The following WDR73 variants were observed in gnomAD, a reference collection of about 807,000 sequenced individuals.
WDR73 encodes WD repeat domain 73, also known as integrator complex assembly factor WDR73.
In WDR73, 30 loss-of-function variants were observed where a neutral mutation model predicts 38.2. The ratio of observed to expected loss-of-function variants is 0.79; its 90% CI spans 0.59 to 1.06. The LOEUF is 1.06. Among genes scored for constraint, WDR73 ranks in the 50% least tolerant of loss-of-function variants. The pLI is 0.00. For missense variants in WDR73, 487 were observed against 467.0 expected (o/e 1.04, Z -0.40); for synonymous variants, 197 against 176.0 (o/e 1.12, Z -0.94).
At chr15:84,644,105 T>C (rs1443740020) in intron 7 of WDR73, 1 of 209,228 alleles carries the variant, frequency 4.8e-6, no homozygotes, top group East Asian at 1.4e-4. Context: ...TGGACAAGTA[T>C]TAGCTCTTTT....
At position 84,645,463 on chromosome 15, in the gene WDR73, G is replaced by C; in HGVS notation, c.883+8C>G. The C allele has an allele frequency of 1.2e-6, 2 of 1,611,162 alleles. No individual in the cohort carries two copies. Among genetic ancestry groups the C allele is most frequent in the Non-Finnish European group, 1.7e-6 (2 of 1,178,360 alleles). On this transcript the variant is annotated splice_region_variant and intron_variant, in intron 7 of 7. Coordinates refer to ENST00000434634, the MANE Select transcript of WDR73 (RefSeq NM_032856.5). Reference sequence around the variant, plus strand: ...CAGATAACAAGACGAAATCCTGCTCGGCAGTACCTGAGATGGCCAAGCAAT... The same window carrying C: ...CAGATAACAAGACGAAATCCTGCTCCGCAGTACCTGAGATGGCCAAGCAAT...
chr15:84,644,353 G>C (rs1421403710), intron 7 of WDR73: 1 of 152,292 alleles, frequency 6.6e-6, no homozygotes, highest in Non-Finnish European at 1.5e-5. Flanking sequence ...CCATCTTCCT[G>C]GTACTGAAGA....
intron 7 of WDR73, 194 bp from the exon 8 acceptor site, chr15:84,643,917 T>C (rs1896356456): frequency 6.4e-6 from 4 of 626,132 alleles, no homozygotes; most frequent in Non-Finnish European, 1.0e-5. Flanking sequence ...TAAAATACTT[T>C]TTATAATTTG....
chr15:84,642,539 T>A lies in WDR73; in HGVS notation c.*931A>T, dbSNP rs1896294328. ...TGGAATACAGTGGCATGATCACAGCTCACTGCAAACTTCAACTGCCAGGCT... is the reference window on the plus strand; with the variant it reads ...TGGAATACAGTGGCATGATCACAGCACACTGCAAACTTCAACTGCCAGGCT... On this transcript the variant is annotated 3_prime_UTR_variant, in exon 8 of 8. Coordinates refer to ENST00000434634, the MANE Select transcript of WDR73 (RefSeq NM_032856.5). The A allele has an allele frequency of 6.6e-6, 1 of 151,786 alleles. No homozygotes were observed. Among genetic ancestry groups the A allele is most frequent in the South Asian group, 2.1e-4 (1 of 4,810 alleles). 9.4% of individuals were successfully genotyped at this position (151,786 alleles called of 1,614,324 possible).
chr15:84,645,639 G>C lies in WDR73; in HGVS notation c.715C>G (p.Pro239Ala), dbSNP rs1490465180. 2.5e-6 allele frequency: 4 copies of C among 1,608,270 alleles called. No homozygotes were observed. The highest frequency in any genetic ancestry group is 3.4e-6 in the Non-Finnish European group (4 of 1,177,528). Reference protein sequence around the residue: ...EVGSWGQGPGPSIASLGSDGR... With the variant: ...EVGSWGQGPGASIASLGSDGR... ...TCTGAGCCAAGGCTGGCAATGCTGG[G>C]CCCAGGGCCCTGGCCCCAGCTCCCA... is the stretch of plus-strand genomic sequence containing the variant. Residue 239 changes from proline to alanine, a missense_variant, in exon 7 of 8, where the codon CCC (proline) becomes GCC (alanine). By Grantham distance (27) the Pro-to-Ala change is conservative. Coordinates refer to ENST00000434634, the MANE Select transcript of WDR73 (RefSeq NM_032856.5).
In WDR73 at chr15:84,652,447, C is replaced by T. The variant is rs143710922; in HGVS notation, c.198+267G>A. On this transcript the variant is annotated intron_variant, in intron 3 of 7. Coordinates refer to ENST00000434634, the MANE Select transcript of WDR73 (RefSeq NM_032856.5). Reference sequence around the variant, plus strand: ...CTTTAATCACTCTACGCATTTCGACCGCCCTCTATATCCTTAATCGCTCCC... The same window carrying T: ...CTTTAATCACTCTACGCATTTCGACTGCCCTCTATATCCTTAATCGCTCCC... 0.013 allele frequency among the ~76,000 whole-genome samples: 1,956 copies of T among 152,248 alleles called. 34 individuals carry two copies. The highest frequency in any genetic ancestry group is 0.044 in the African/African-American group (1,828 of 41,526).
intron 6 of WDR73, 121 bp from the exon 7 acceptor site, chr15:84,645,957 T>C: frequency 1.3e-6 from 2 of 1,553,688 alleles, no homozygotes; most frequent in African/African-American, 1.4e-5. Context: ...CACATCTCCC[T>C]TCCCACTCAT....
intron 3 of WDR73, among the ~76,000 whole-genome samples, chr15:84,652,021 C>G (rs1399153356): frequency 6.6e-6 from 1 of 152,148 alleles, no homozygotes; most frequent in Non-Finnish European, 1.5e-5. Context: ...GTGTGCGCCA[C>G]CATGCCTGGC....
chr15:84,653,503 G>A (rs775210660), intron 2 of WDR73, 129 bp downstream of exon 2: 4 of 662,258 alleles, frequency 6.0e-6, no homozygotes, highest in Admixed American at 2.3e-5. Flanking sequence ...TAGTGCTGAT[G>A]GGGCATCAAA....
intron 3 of WDR73, among the ~76,000 whole-genome samples, chr15:84,651,724 T>A (rs1896630543): frequency 6.6e-6 from 1 of 152,230 alleles, no homozygotes; most frequent in Admixed American, 6.5e-5. Flanking sequence ...GTTGCTGCTT[T>A]AGCTTCTTCC....
chr15:84,648,034 C>A, intron 4 of WDR73, 80 bp from the exon 5 acceptor site: 1 of 1,268,512 alleles, frequency 7.9e-7, no homozygotes, highest in Non-Finnish European at 1.2e-6. Context: ...GCACACTTAG[C>A]TTGGGACTCC....
Position 84,645,505 on chromosome 15 carries a change from C to T in WDR73, c.849G>A (p.Trp283Ter). Residue 283 changes from tryptophan to a stop codon, truncating the protein, a stop_gained, in exon 7 of 8, where the codon TGG (tryptophan) becomes TGA (stop). Coordinates refer to ENST00000434634, the MANE Select transcript of WDR73 (RefSeq NM_032856.5). LOFTEE classifies it high-confidence loss of function. ...CCAAGCAATTCTTCAGGCCTGGGGC[C>T]CAAGTCACTCGCAGCAGCTCTGGGT... is the stretch of plus-strand genomic sequence containing the variant. ...SPDPELLRVT[W>*]APGLKNCLAI... 1 of 1,612,362 alleles carries T rather than the reference C, an allele frequency of 6.2e-7. No individual in the cohort carries two copies. The highest frequency in any genetic ancestry group is 8.5e-7 in the Non-Finnish European group (1 of 1,179,216).
chr15:84,653,062 G>A (rs950478114), intron 2 of WDR73: 1 of 351,336 alleles, frequency 2.8e-6, no homozygotes, highest in South Asian at 8.9e-5. Context: ...GGGATTATAG[G>A]CGTGAGCCAC....
At position 84,645,646 on chromosome 15, in the gene WDR73, G is replaced by A; in HGVS notation, c.708C>T (p.Gly236=). 1 of 1,608,414 alleles carries A rather than the reference G, an allele frequency of 6.2e-7. No individual in the cohort carries two copies. The highest frequency in any genetic ancestry group is 8.5e-7 in the Non-Finnish European group (1 of 1,177,598). Reference sequence around the variant, plus strand: ...CAAGGCTGGCAATGCTGGGCCCAGGGCCCTGGCCCCAGCTCCCAACTTCAG... The same window carrying A: ...CAAGGCTGGCAATGCTGGGCCCAGGACCCTGGCCCCAGCTCCCAACTTCAG... ...WCAEVGSWGQ[G]PGPSIASLGS... is the part of the protein sequence containing the mutation. The change falls in exon 7 of 8, where the codon GGC becomes GGT. Residue 236 remains glycine, a synonymous_variant. Coordinates refer to ENST00000434634, the MANE Select transcript of WDR73 (RefSeq NM_032856.5).
chr15:84,643,827 G>C (rs1298318931), intron 7 of WDR73, 104 bp from the exon 8 acceptor site: 3 of 1,351,374 alleles, frequency 2.2e-6, no homozygotes, highest in Non-Finnish European at 2.9e-6. Flanking sequence ...ATGTTGACCA[G>C]GATGGTCTTG....
intron 5 of WDR73, 101 bp downstream of exon 5, chr15:84,647,789 C>A: frequency 8.3e-7 from 1 of 1,201,342 alleles, no homozygotes; most frequent in Non-Finnish European, 1.2e-6. Context: ...GAGACTGTCC[C>A]CAGCCTGAGT....
At position 84,646,191 on chromosome 15, in the gene WDR73, G is replaced by T; in HGVS notation, c.510C>A (p.Tyr170Ter). ...VVDLESRKTTYTSDVSDSEEL... is the reference protein window; with the variant it reads ...VVDLESRKTT Reference sequence around the variant, plus strand: ...GACAAAGTACCACGGTACCTGAGGTGTACGTGGTCTTCCGGGACTCCAGAT... The same window carrying T: ...GACAAAGTACCACGGTACCTGAGGTTTACGTGGTCTTCCGGGACTCCAGAT... Residue 170 changes from tyrosine to a stop codon, truncating the protein, a stop_gained, in exon 6 of 8, where the codon TAC becomes TAA. Transcript: ENST00000434634. LOFTEE classifies it high-confidence loss of function. 6.2e-7 allele frequency: 1 copy of T among 1,613,712 alleles called. No homozygotes were observed. Among genetic ancestry groups the T allele is most frequent in the South Asian group, 1.1e-5 (1 of 91,086 alleles).
Position 84,646,267 on chromosome 15 carries a change from A to G in WDR73, c.434T>C (p.Leu145Ser), listed in dbSNP as rs1467999429. The G allele has an allele frequency of 6.2e-7, 1 of 1,613,952 alleles. No individual in the cohort carries two copies. Among genetic ancestry groups the G allele is most frequent in the Non-Finnish European group, 8.5e-7 (1 of 1,179,896 alleles). Residue 145 changes from leucine (L) to serine (S), a missense_variant, in exon 6 of 8, where the codon TTG (leucine) becomes TCG (serine). By Grantham distance (145) the Leu-to-Ser change is moderately radical (BLOSUM62 -2). Transcript: ENST00000434634. Reference sequence around the variant, plus strand: ...CGCCCCATGGAGGACTCCGGGTGCCAATGTGGAGAAGACGGCCACCCTAGG... The same window carrying G: ...CGCCCCATGGAGGACTCCGGGTGCCGATGTGGAGAAGACGGCCACCCTAGG... The part of the protein sequence containing the change: ...LWPRVAVFST[L>S]APGVLHGARL...
Position 84,646,146 on chromosome 15 carries a change from G to A in WDR73, c.517+38C>T, listed in dbSNP as rs773696997. ...CTGAGTTGGGCTGGGGGGTGATGCC[G>A]GCTGGAGCAGCAAGCAAGGGACAAA... On this transcript the variant is annotated intron_variant, in intron 6 of 7. Coordinates refer to ENST00000434634, the MANE Select transcript of WDR73 (RefSeq NM_032856.5). 13 of 1,612,094 alleles carry A rather than the reference G, an allele frequency of 8.1e-6. No homozygotes were observed. In the East Asian group the frequency reaches 1.1e-4, roughly 14 times the overall value.
Sources: allele counts gnomAD v4.1 joint callset (sites outside exome capture counted in the v4.1 genomes callset), GRCh38; gene constraint gnomAD v4.1.1; transcripts MANE v1.5; gene names NCBI Gene and HGNC (gene_info 2026-07-23, HGNC 2026-07-21).